The following SORCS2 variants were observed in gnomAD, a reference collection of about 807,000 sequenced individuals.
The protein encoded by SORCS2 is sortilin related VPS10 domain containing receptor 2.
SORCS2 carries 100 observed loss-of-function variants against 141.6 expected under a neutral mutation model. The ratio of observed to expected loss-of-function variants is 0.71; its 90% CI spans 0.60 to 0.83. The LOEUF is 0.83. SORCS2 is among the 40% of genes least tolerant of loss of function. The pLI, the probability that SORCS2 is intolerant of heterozygous loss-of-function variation, is 0.00. For synonymous variants in SORCS2, 789 were observed against 676.9 expected, an observed-to-expected ratio of 1.17 and a Z score of -2.57; for missense variants, 1,646 against 1,560.2, an observed-to-expected ratio of 1.05 and a Z score of -0.93.
chr4:7,682,979 T>C, intron 10 of SORCS2, 90 bp downstream of exon 10: 1 of 1,469,392 alleles, frequency 6.8e-7, no homozygotes, highest in Non-Finnish European at 9.1e-7. Context: ...TGGTGATGTC[T>C]GAGAAGGACC....
intron 1 of SORCS2, among the ~76,000 whole-genome samples, chr4:7,232,713 C>T (rs542527462): frequency 1.1e-4 from 16 of 152,324 alleles, no homozygotes; most frequent in Admixed American, 3.3e-4. Context: ...GTGCCCCTCC[C>T]GCACCCTGCT....
chr4:7,454,983 C>T (rs1347400003), intron 2 of SORCS2, among the ~76,000 whole-genome samples: 2 of 136,160 alleles, frequency 1.5e-5, no homozygotes, highest in African/African-American at 2.8e-5. Flanking sequence ...TGGGGTCAGG[C>T]TCCGTGTTAG....
intron 3 of SORCS2, among the ~76,000 whole-genome samples, chr4:7,591,104 A>G (rs140571542): frequency 2.2e-4 from 34 of 152,284 alleles, no homozygotes; most frequent in African/African-American, 7.5e-4. Flanking sequence ...GATGGGATGA[A>G]GTGGGCACCG....
intron 7 of SORCS2, among the ~76,000 whole-genome samples, chr4:7,665,411 C>G (rs1722443616): frequency 1.3e-5 from 2 of 152,214 alleles, no homozygotes; most frequent in Non-Finnish European, 2.9e-5. Flanking sequence ...CTGCTGAGCC[C>G]CAGCCCCTGG....
Position 7,506,906 on chromosome 4 carries a change from T to C in SORCS2, c.549-24624T>C, listed in dbSNP as rs527700147. 4.6e-5 allele frequency among the ~76,000 whole-genome samples: 7 copies of C among 152,284 alleles called. No homozygotes were observed. The South Asian group carries it at 1.5e-3, about 32-fold the overall frequency. On this transcript the variant is annotated intron_variant, in intron 2 of 26. Coordinates refer to ENST00000507866, the MANE Select transcript of SORCS2 (RefSeq NM_020777.3). Reference sequence around the variant, plus strand: ...AGGTAAGTGCCATAAATTAAAATGATACCAACCTATTAAGACATGTAGAAA... The same window carrying C: ...AGGTAAGTGCCATAAATTAAAATGACACCAACCTATTAAGACATGTAGAAA...
rs532766741 is a variant in SORCS2, at chr4:7,573,464, CATAA to C, written c.648+41839_648+41842del. 3.9e-5 allele frequency among the ~76,000 whole-genome samples: 6 copies of C among 152,274 alleles called. No homozygotes were observed. The South Asian group carries it at 6.2e-4, about 16-fold the overall frequency. ...CCTTATTTTTCAGATAAAATAGAGG[CATAA>C]ATAGAGTTCTATTAGTTTCTTGGTG... On this transcript the variant is annotated intron_variant, in intron 3 of 26. Transcript: ENST00000507866.
chr4:7,644,288 C>T (rs1470474281), intron 4 of SORCS2, among the ~76,000 whole-genome samples: 4 of 152,124 alleles, frequency 2.6e-5, no homozygotes, highest in African/African-American at 9.7e-5. Flanking sequence ...GCAGCCTGCA[C>T]CTGGTAACTT....
intron 1 of SORCS2, among the ~76,000 whole-genome samples, chr4:7,364,119 C>T (rs527551995): frequency 1.4e-5 from 2 of 140,894 alleles, no homozygotes; most frequent in Non-Finnish European, 3.2e-5. Flanking sequence ...TCACCATCAC[C>T]ACCACCACCA....
intron 3 of SORCS2, among the ~76,000 whole-genome samples, chr4:7,598,061 CA>C (rs1393365588): frequency 6.6e-6 from 1 of 151,648 alleles, no homozygotes; most frequent in East Asian, 1.9e-4. Context: ...CTCTGTCTCC[CA>C]GGTTCAAATG....
chr4:7,636,130 G>A (rs376005952), intron 3 of SORCS2, among the ~76,000 whole-genome samples: 12 of 152,204 alleles, frequency 7.9e-5, no homozygotes, highest in Non-Finnish European at 1.6e-4. Flanking sequence ...CCAGCCCCAC[G>A]CGAGGCCCAG....
rs571505461 is a variant in SORCS2 at position 7,520,815 on chromosome 4, G to T, written c.549-10715G>T. Among the ~76,000 whole-genome samples the T allele has an allele frequency of 5.3e-5, 8 of 152,350 alleles. No individual in the cohort carries two copies. In the South Asian group the frequency reaches 6.2e-4, roughly 12 times the overall value. On this transcript the variant is annotated intron_variant, in intron 2 of 26. Transcript: ENST00000507866. ...TGCCCAAGCCCATGGGTAACGCACA[G>T]GTGAAATGACACAGCTCCTGCACTG...
chr4:7,633,324 G>A (rs1386032437), intron 3 of SORCS2, among the ~76,000 whole-genome samples: 1 of 152,140 alleles, frequency 6.6e-6, no homozygotes, highest in Non-Finnish European at 1.5e-5. Context: ...ACGAGAGGCG[G>A]AGCAGGGACC....
intron 1 of SORCS2, among the ~76,000 whole-genome samples, chr4:7,219,165 C>CTATT (rs56830789): frequency 0.27 from 40,930 of 150,146 alleles, 6,098 homozygotes; most frequent in East Asian, 0.44. Flanking sequence ...ATCTTTTTGT[C>CTATT]TATGCTGTGT....
chr4:7,276,480 C>T (rs1715510290), intron 1 of SORCS2, among the ~76,000 whole-genome samples: 2 of 152,184 alleles, frequency 1.3e-5, no homozygotes, highest in Admixed American at 6.5e-5. Context: ...GCCATCTCTT[C>T]CTGGCCAGCT....
intron 4 of SORCS2, among the ~76,000 whole-genome samples, chr4:7,640,081 G>T (rs934192723): frequency 6.6e-6 from 1 of 151,730 alleles, no homozygotes; most frequent in African/African-American, 2.4e-5. Flanking sequence ...GTGTGAAACA[G>T]CATGTCAGTG....
At chr4:7,266,272 C>T (rs1319442146) in intron 1 of SORCS2, among the ~76,000 whole-genome samples, 6 of 152,168 alleles carry the variant, frequency 3.9e-5, no homozygotes, top group Admixed American at 2.6e-4. Context: ...AATTCAGAGT[C>T]CCTCCGTGGA....
intron 15 of SORCS2, among the ~76,000 whole-genome samples, 156 bp downstream of exon 15, chr4:7,713,009 C>T (rs530447361): frequency 6.6e-4 from 100 of 152,234 alleles, no homozygotes; most frequent in African/African-American, 2.2e-3. Flanking sequence ...ATGTCCAGGC[C>T]TCCTGTGGGC....
At chr4:7,560,101 G>A (rs1389756728) in intron 3 of SORCS2, among the ~76,000 whole-genome samples, 1 of 152,204 alleles carries the variant, frequency 6.6e-6, no homozygotes, top group African/African-American at 2.4e-5. Flanking sequence ...TCACATCCTC[G>A]CAGGTTAGGA....
chr4:7,429,293 G>C (rs1010590557), intron 2 of SORCS2, among the ~76,000 whole-genome samples: 3 of 152,176 alleles, frequency 2.0e-5, no homozygotes, highest in African/African-American at 7.2e-5. Context: ...AGATGTGGCT[G>C]GGGGCTCACA....
Sources: gnomAD v4.1 joint callset for allele counts (sites outside exome capture counted in the v4.1 genomes callset) on GRCh38, gnomAD v4.1.1 for gene constraint, MANE v1.5 for transcripts, NCBI Gene and HGNC (gene_info 2026-07-23, HGNC 2026-07-21) for gene names.